The following UBE2O variants were observed in gnomAD, a reference collection of about 807,000 sequenced individuals.
UBE2O encodes (E3-independent) E2 ubiquitin-conjugating enzyme.
UBE2O carries 15 observed loss-of-function variants against 125.8 expected under a neutral mutation model. The observed-to-expected ratio is 0.12, with a 90% CI of 0.08 to 0.18. UBE2O has a LOEUF of 0.18. Among genes scored for constraint, UBE2O ranks in the 10% least tolerant of loss-of-function variants. The pLI, the probability that UBE2O is intolerant of heterozygous loss-of-function variation, is 1.00. For synonymous variants in UBE2O, 708 were observed against 703.2 expected (o/e 1.01, Z -0.11); for missense variants, 1,280 against 1,723.6 (o/e 0.74, Z 4.56).
chr17:76,411,174 G>A (rs944798027), intron 1 of UBE2O, among the ~76,000 whole-genome samples: 11 of 152,022 alleles, frequency 7.2e-5, no homozygotes, highest in Non-Finnish European at 4.4e-5. Flanking sequence ...ACCATGCTTG[G>A]CTAATTTTTG....
chr17:76,406,169 T>C (rs1319211704), intron 1 of UBE2O, among the ~76,000 whole-genome samples: 2 of 152,248 alleles, frequency 1.3e-5, no homozygotes, highest in Non-Finnish European at 2.9e-5. Flanking sequence ...TCAGGATGGT[T>C]GGCTCTTGGA....
At position 76,452,980 on chromosome 17, in the gene UBE2O, G is replaced by C. The variant is rs568228756; in HGVS notation, c.162C>G (p.Ala54=). The change falls in exon 1 of 18, where the codon GCC becomes GCG. Residue 54 remains alanine, a synonymous_variant. Coordinates refer to ENST00000319380, the MANE Select transcript of UBE2O (RefSeq NM_022066.4). The surrounding 1 kb of genome is among the most constrained non-coding windows in gnomAD (Gnocchi z 4.4). ...SGPSSDSGPE[A]GSQRLLFSHD... The stretch of plus-strand genomic sequence containing the variant: ...GAGAAAACAGCAGGCGCTGCGAGCC[G>C]GCTTCTGGGCCGGAGTCCGAGGACG... 40 of 1,493,734 alleles carry C rather than the reference G, an allele frequency of 2.7e-5. 1 individual carries two copies. In the South Asian group the frequency reaches 4.3e-4, roughly 16 times the overall value. 92.5% of individuals were successfully genotyped at this position (1,493,734 alleles called of 1,614,324 possible). A position where few individuals can be genotyped will look rare whatever the true frequency, so the allele number is the denominator to read the frequency against.
chr17:76,423,896 CTTTTTTTTTTTTT>C (rs746126675), intron 1 of UBE2O, among the ~76,000 whole-genome samples: 1 of 83,470 alleles, frequency 1.2e-5, no homozygotes, highest in Non-Finnish European at 2.1e-5. Flanking sequence ...AGGTTGGGTT[CTTTTTTTTTTTTT>C]TTTTTTTTTT....
rs2072218942 is a variant in UBE2O, at chr17:76,396,840, T to C, written c.2116-19A>G. On this transcript the variant is annotated intron_variant, in intron 13 of 17. Transcript: ENST00000319380. This position sits in a 1 kb window ranked among gnomAD's most constrained non-coding sequence, Gnocchi z 6.7. Reference sequence around the variant, plus strand: ...ACAAGTGCTGGGGGCAGAAGGGAAGTGCCAGGGTAAGCAGACAGGAAGTCA... The same window carrying C: ...ACAAGTGCTGGGGGCAGAAGGGAAGCGCCAGGGTAAGCAGACAGGAAGTCA... 1 of 1,558,376 alleles carries C rather than the reference T, an allele frequency of 6.4e-7. No individual in the cohort carries two copies. Among genetic ancestry groups the C allele is most frequent in the East Asian group, 2.3e-5 (1 of 44,300 alleles).
chr17:76,419,509 A>G (rs2072672494), intron 1 of UBE2O, among the ~76,000 whole-genome samples: 1 of 152,098 alleles, frequency 6.6e-6, no homozygotes, highest in Non-Finnish European at 1.5e-5. Context: ...ACTGATGCCC[A>G]CCCTTCGGCA....
At chr17:76,416,754 C>T (rs575806419) in intron 1 of UBE2O, among the ~76,000 whole-genome samples, 8 of 152,272 alleles carry the variant, frequency 5.3e-5, no homozygotes, top group African/African-American at 1.9e-4. Context: ...GTCATTAGGT[C>T]CTAAGACCCT....
At chr17:76,412,995 G>A (rs932160020) in intron 1 of UBE2O, among the ~76,000 whole-genome samples, 4 of 152,164 alleles carry the variant, frequency 2.6e-5, no homozygotes, top group African/African-American at 9.7e-5. Flanking sequence ...GTGACTGGAA[G>A]ACAGGGCAAG....
intron 1 of UBE2O, among the ~76,000 whole-genome samples, chr17:76,440,250 C>G (rs888725004): frequency 5.9e-5 from 9 of 152,198 alleles, no homozygotes; most frequent in African/African-American, 2.2e-4. Context: ...TAGTACTTAT[C>G]ATATGAGTTA....
rs187300387 is a variant in UBE2O at position 76,431,893 on chromosome 17, A to G, written c.417+20832T>C. Among the ~76,000 whole-genome samples, 13 of 152,354 alleles carry G rather than the reference A, an allele frequency of 8.5e-5. No homozygotes were observed. In the East Asian group the frequency reaches 9.6e-4, roughly 11 times the overall value. ...TGGCTTTTTGTTTCAAATGTTAAAG[A>G]AAGTTTAAGTCCCATGGATTGCTGT... On this transcript the variant is annotated intron_variant, in intron 1 of 17. Coordinates refer to ENST00000319380, the MANE Select transcript of UBE2O (RefSeq NM_022066.4).
At chr17:76,418,281 C>T (rs894078279) in intron 1 of UBE2O, among the ~76,000 whole-genome samples, 1 of 152,216 alleles carries the variant, frequency 6.6e-6, no homozygotes, top group Non-Finnish European at 1.5e-5. Context: ...AGGCCTCACA[C>T]AAAAACTCAT....
At position 76,404,779 on chromosome 17, in the gene UBE2O, C is replaced by CG. The variant is rs898199570; in HGVS notation, c.588+426dup. Among the ~76,000 whole-genome samples, 39 of 151,508 alleles carry CG rather than the reference C, an allele frequency of 2.6e-4. No individual in the cohort carries two copies. The highest frequency in any genetic ancestry group is 9.5e-4 in the African/African-American group (39 of 41,260). On this transcript the variant is annotated intron_variant, in intron 3 of 17. Coordinates refer to ENST00000319380, the MANE Select transcript of UBE2O (RefSeq NM_022066.4). This position sits in a 1 kb window ranked among gnomAD's most constrained non-coding sequence, Gnocchi z 4.3. The stretch of plus-strand genomic sequence containing the variant: ...AAGAAAAAAGACCGGAGGGGGATCT[C>CG]GGGGAAAAGGAGGGAGGGAAGGTGA...
chr17:76,414,039 T>C lies in UBE2O; in HGVS notation c.418-8467A>G, dbSNP rs560429295. ...ACTTTCTCAGAGCAGTTGACCATCATGTGGCTGAGCCCTGATAACCCGGCA... is the reference window on the plus strand; with the variant it reads ...ACTTTCTCAGAGCAGTTGACCATCACGTGGCTGAGCCCTGATAACCCGGCA... On this transcript the variant is annotated intron_variant, in intron 1 of 17. Coordinates refer to ENST00000319380, the MANE Select transcript of UBE2O (RefSeq NM_022066.4). Among the ~76,000 whole-genome samples, 24 of 152,306 alleles carry C rather than the reference T, an allele frequency of 1.6e-4. No individual in the cohort carries two copies. The South Asian group carries it at 4.6e-3, about 29-fold the overall frequency.
chr17:76,397,071 TCTC>T (rs2072223885), intron 13 of UBE2O, among the ~76,000 whole-genome samples: 1 of 152,058 alleles, frequency 6.6e-6, no homozygotes, highest in Non-Finnish European at 1.5e-5. Context: ...TGTTCCAGCC[TCTC>T]CTCCTGCTCT....
Position 76,452,100 on chromosome 17 carries a change from C to G in UBE2O, c.417+625G>C, listed in dbSNP as rs191887743. On this transcript the variant is annotated intron_variant, in intron 1 of 17. Coordinates refer to ENST00000319380, the MANE Select transcript of UBE2O (RefSeq NM_022066.4). This position sits in a 1 kb window ranked among gnomAD's most constrained non-coding sequence, Gnocchi z 4.4. Reference sequence around the variant, plus strand: ...GGTCGCAGCTGTCAGAATCCTCCCCCCCAAGTACTATTCATACCGGGGCTC... The same window carrying G: ...GGTCGCAGCTGTCAGAATCCTCCCCGCCAAGTACTATTCATACCGGGGCTC... 2.0e-4 allele frequency among the ~76,000 whole-genome samples: 31 copies of G among 152,144 alleles called. No homozygotes were observed. In the South Asian group the frequency reaches 3.5e-3, roughly 17 times the overall value.
In UBE2O at chr17:76,444,476, G is replaced by A. The variant is rs144807330; in HGVS notation, c.417+8249C>T. On this transcript the variant is annotated intron_variant, in intron 1 of 17. Transcript: ENST00000319380. The stretch of plus-strand genomic sequence containing the variant: ...TGCTTGAGCCCAGGAGGCGGAGGCT[G>A]CAGTAAGGTGTGATCACGCCACTGC... 7.9e-5 allele frequency among the ~76,000 whole-genome samples: 12 copies of A among 152,344 alleles called. 1 individual carries two copies. The highest frequency in any genetic ancestry group is 2.9e-4 in the African/African-American group (12 of 41,578).
chr17:76,398,428 A>T lies in UBE2O; in HGVS notation c.1896+44T>A. Reference sequence around the variant, plus strand: ...GTCATGAGCTAGGGGTCCTACACCCAACCCCAGAGCCCACCTGAAGCAAGC... The same window carrying T: ...GTCATGAGCTAGGGGTCCTACACCCTACCCCAGAGCCCACCTGAAGCAAGC... On this transcript the variant is annotated intron_variant, in intron 11 of 17. Transcript: ENST00000319380. This position sits in a 1 kb window ranked among gnomAD's most constrained non-coding sequence, Gnocchi z 5.4. The T allele has an allele frequency of 6.2e-7, 1 of 1,614,104 alleles. No homozygotes were observed. Among genetic ancestry groups the T allele is most frequent in the Non-Finnish European group, 8.5e-7 (1 of 1,180,002 alleles).
At chr17:76,445,003 A>T (rs965770365) in intron 1 of UBE2O, among the ~76,000 whole-genome samples, 2 of 152,192 alleles carry the variant, frequency 1.3e-5, no homozygotes, top group Non-Finnish European at 2.9e-5. Context: ...CGGTCAAGGT[A>T]TCTATCTTCA....
intron 1 of UBE2O, among the ~76,000 whole-genome samples, chr17:76,443,860 A>G (rs1199299939): frequency 6.6e-6 from 1 of 152,228 alleles, no homozygotes; most frequent in Non-Finnish European, 1.5e-5. Context: ...AGAAGACAAA[A>G]GGCAAAAAAG....
At chr17:76,393,102 T>TA (rs1362183599) in intron 15 of UBE2O, among the ~76,000 whole-genome samples, 1 of 150,004 alleles carries the variant, frequency 6.7e-6, no homozygotes, top group Non-Finnish European at 1.5e-5. Context: ...CTACAAAAAA[T>TA]AAAAAATTAG....
Sources: allele counts gnomAD v4.1 joint callset (sites outside exome capture counted in the v4.1 genomes callset), GRCh38; gene constraint gnomAD v4.1.1; non-coding constraint Gnocchi (gnomAD v3.1); transcripts MANE v1.5; gene names NCBI Gene and HGNC (gene_info 2026-07-23, HGNC 2026-07-21).